Variants in LPIN3 observed in about 807,000 individuals in gnomAD.
The protein encoded by LPIN3 is phosphatidate phosphatase LPIN3.
LPIN3 carries 82 observed loss-of-function variants against 94.7 expected under a neutral mutation model. That is an observed-to-expected ratio of 0.87 (90% confidence interval 0.72 to 1.04). The LOEUF is 1.04. Among genes scored for constraint, LPIN3 ranks in the 50% least tolerant of loss-of-function variants. The pLI, the probability that LPIN3 is intolerant of heterozygous loss-of-function variation, is 0.00. For synonymous variants in LPIN3, 418 were observed against 443.3 expected (o/e 0.94, Z 0.72); for missense variants, 996 against 1,090.5 (o/e 0.91, Z 1.22).
chr20:41,354,223 G>A (rs2046127428), intron 11 of LPIN3, among the ~76,000 whole-genome samples: 1 of 152,228 alleles, frequency 6.6e-6, no homozygotes, highest in African/African-American at 2.4e-5. Context: ...ACCTTAGGAG[G>A]TTGCCTGGGG....
rs755530050 is a variant in LPIN3 at position 41,357,446 on chromosome 20, CTG to C, written c.2039+2_2039+3del. On this transcript the variant is annotated splice_donor_variant and coding_sequence_variant, in exon 16 of 20. Transcript: ENST00000373257. LOFTEE classifies it high-confidence loss of function. ...CACCAGTCTCTATCACAAAATCCAACTGTGAGTGCCTGGGCTGGGGCTGGGGC... is the reference window on the plus strand; with the variant it reads ...CACCAGTCTCTATCACAAAATCCAACTGAGTGCCTGGGCTGGGGCTGGGGC... 5 of 1,611,964 alleles carry C rather than the reference CTG, an allele frequency of 3.1e-6. No homozygotes were observed. In the African/African-American group the frequency reaches 5.3e-5, roughly 17 times the overall value.
intron 11 of LPIN3, 45 bp from the exon 12 acceptor site, chr20:41,354,600 T>A: frequency 6.6e-7 from 1 of 1,513,088 alleles, no homozygotes; most frequent in South Asian, 1.3e-5. Flanking sequence ...GGTAGGAGGT[T>A]TATGTGGTGC....
intron 7 of LPIN3, 76 bp from the exon 8 acceptor site, chr20:41,351,745 C>T (rs1371141389): frequency 1.5e-6 from 2 of 1,348,400 alleles, no homozygotes; most frequent in Non-Finnish European, 2.1e-6. Context: ...TTAGAGAATT[C>T]AGAGTCAGAG....
In LPIN3 at chr20:41,355,959, C is replaced by G; in HGVS notation, c.1728C>G (p.Ile576Met). Residue 576 changes from isoleucine (I) to methionine (M), a missense_variant, in exon 14 of 20, where the codon ATC becomes ATG. Transcript: ENST00000373257. ...CAGACAGCCCTGTGATCCTGGAGAT[C>G]CCCTCCTTGCCACCCTCCACTCCAC... ...DAPDSPVILE[I>M]PSLPPSTPPS... 6.2e-7 allele frequency: 1 copy of G among 1,614,124 alleles called. No homozygotes were observed. The highest frequency in any genetic ancestry group is 2.2e-5 in the East Asian group (1 of 44,880).
intron 7 of LPIN3, 143 bp downstream of exon 7, chr20:41,350,540 G>T: frequency 1.5e-6 from 1 of 665,142 alleles, no homozygotes; most frequent in Non-Finnish European, 2.5e-6. Flanking sequence ...TCACAGTGCA[G>T]TGTGGGAGAC....
chr20:41,358,158 C>T, intron 17 of LPIN3, 79 bp from the exon 18 acceptor site: 2 of 1,583,106 alleles, frequency 1.3e-6, no homozygotes, highest in Admixed American at 1.7e-5. Context: ...GTCAGACCCC[C>T]CATCACCTGA....
At chr20:41,357,299 C>G in intron 15 of LPIN3, 62 bp from the exon 16 acceptor site, 3 of 1,601,118 alleles carry the variant, frequency 1.9e-6, no homozygotes, top group Non-Finnish European at 2.6e-6. Context: ...GGTGGGCCAT[C>G]CTGGGGCTGG....
chr20:41,347,671 C>T (rs2045834715), intron 3 of LPIN3, 24 bp downstream of exon 3: 1 of 1,582,972 alleles, frequency 6.3e-7, no homozygotes, highest in African/African-American at 1.3e-5. Flanking sequence ...CCTAACAGCA[C>T]CTGCCCCGCC....
At chr20:41,348,588 C>T (rs1365956287) in intron 3 of LPIN3, 31 bp from the exon 4 acceptor site, 1 of 1,574,930 alleles carries the variant, frequency 6.3e-7, no homozygotes, top group Non-Finnish European at 8.6e-7. Flanking sequence ...TAGGGTCAGC[C>T]CCCGACCTCA....
chr20:41,347,698 C>T (rs967725399), intron 3 of LPIN3, 51 bp downstream of exon 3: 9 of 1,481,116 alleles, frequency 6.1e-6, no homozygotes, highest in Non-Finnish European at 7.4e-6. Flanking sequence ...TTTCCTGTGC[C>T]TCTTCTGGGC....
In LPIN3 at chr20:41,354,809, T is replaced by C. The variant is rs1372889936; in HGVS notation, c.1621-11T>C. 6.2e-7 allele frequency: 1 copy of C among 1,609,794 alleles called. No homozygotes were observed. The highest frequency in any genetic ancestry group is 8.5e-7 in the Non-Finnish European group (1 of 1,177,954). On this transcript the variant is annotated splice_polypyrimidine_tract_variant and intron_variant, in intron 12 of 19. Transcript: ENST00000373257. The stretch of plus-strand genomic sequence containing the variant: ...GGAGGTGGGATTCACTAATGGATGT[T>C]CTTTCCACAGCGCAGTGCCCAGAAG...
intron 4 of LPIN3, 95 bp downstream of exon 4, chr20:41,348,982 T>A: frequency 1.9e-6 from 3 of 1,574,644 alleles, no homozygotes; most frequent in South Asian, 2.3e-5. Context: ...GGCCTTGACC[T>A]CTCTGAGCAG....
At chr20:41,353,415 C>T (rs551923080) in intron 11 of LPIN3, among the ~76,000 whole-genome samples, 52 of 152,300 alleles carry the variant, frequency 3.4e-4, no homozygotes, top group Non-Finnish European at 5.9e-4. Flanking sequence ...ACCAAAGACT[C>T]ATCCAGATGA....
chr20:41,352,500 G>A, intron 9 of LPIN3, 106 bp from the exon 10 acceptor site: 1 of 1,055,590 alleles, frequency 9.5e-7, no homozygotes, highest in East Asian at 2.4e-5. Flanking sequence ...AGGTTACAAA[G>A]CCAACCGACA....
rs765968571 is a variant in LPIN3 at position 41,348,623 on chromosome 20, A to T, written c.293A>T (p.His98Leu). 3.1e-6 allele frequency: 5 copies of T among 1,606,280 alleles called. No homozygotes were observed. The South Asian group carries it at 5.6e-5, about 18-fold the overall frequency. ...FVQELESDDEHVPPGLCTSPI... is the reference protein window; with the variant it reads ...FVQELESDDELVPPGLCTSPI... ...AGTTCTTGGTCTGTTCCACAGGAAC[A>T]TGTGCCTCCCGGCCTGTGCACCTCA... Residue 98 changes from histidine (H) to leucine (L), a missense_variant, in exon 4 of 20, where the codon CAT (histidine) becomes CTT (leucine). Transcript: ENST00000373257.
At chr20:41,346,895 A>C (rs2045798785) in intron 2 of LPIN3, among the ~76,000 whole-genome samples, 2 of 152,312 alleles carry the variant, frequency 1.3e-5, no homozygotes, top group South Asian at 4.2e-4. Flanking sequence ...GGATCCTAAT[A>C]GAAAAGTGTA....
intron 9 of LPIN3, 120 bp downstream of exon 9, chr20:41,352,340 C>T: frequency 8.2e-7 from 1 of 1,215,388 alleles, no homozygotes; most frequent in South Asian, 1.4e-5. Flanking sequence ...CCCTGCAGCT[C>T]TCTGCCCTGT....
intron 11 of LPIN3, 106 bp from the exon 12 acceptor site, chr20:41,354,539 G>T: frequency 9.4e-7 from 1 of 1,068,390 alleles, no homozygotes; most frequent in South Asian, 1.9e-5. Context: ...CTTACCCTAG[G>T]GTTGGCTCAG....
At chr20:41,353,905 C>T (rs1231498917) in intron 11 of LPIN3, among the ~76,000 whole-genome samples, 1 of 152,196 alleles carries the variant, frequency 6.6e-6, no homozygotes, top group Non-Finnish European at 1.5e-5. Flanking sequence ...GGTCCCTTCC[C>T]TGCTTGGATC....
Sources: allele counts gnomAD v4.1 joint callset (sites outside exome capture counted in the v4.1 genomes callset), GRCh38; gene constraint gnomAD v4.1.1; transcripts MANE v1.5; gene names NCBI Gene and HGNC (gene_info 2026-07-23, HGNC 2026-07-21).